Variants in AUH observed in about 807,000 individuals in gnomAD.
AUH encodes methylglutaconyl-CoA hydratase, mitochondrial.
In AUH, 29 loss-of-function variants were observed where a neutral mutation model predicts 42.3. The observed-to-expected ratio is 0.69, with a 90% CI of 0.51 to 0.93. The LOEUF (loss-of-function observed/expected upper bound fraction) is 0.93. Ranked by LOEUF, AUH falls within the 40% of genes least tolerant of loss-of-function variation. AUH has a pLI of 0.00. For missense variants in AUH, 452 were observed against 438.1 expected, an observed-to-expected ratio of 1.03 and a Z score of -0.28; for synonymous variants, 174 against 166.4, an observed-to-expected ratio of 1.05 and a Z score of -0.35.
chr9:91,322,608 A>T (rs1298539958), intron 4 of AUH, among the ~76,000 whole-genome samples: 1 of 152,220 alleles, frequency 6.6e-6, no homozygotes, highest in Non-Finnish European at 1.5e-5. Context: ...CAAATGGTCA[A>T]ATTCTACAAT....
chr9:91,256,924 A>C (rs577261477), intron 6 of AUH, among the ~76,000 whole-genome samples: 6 of 152,230 alleles, frequency 3.9e-5, no homozygotes, highest in African/African-American at 1.4e-4. Context: ...GACAAAAATA[A>C]CATAGGCTTA....
At chr9:91,267,798 C>T (rs1325499599) in intron 6 of AUH, among the ~76,000 whole-genome samples, 1 of 152,040 alleles carries the variant, frequency 6.6e-6, no homozygotes, top group African/African-American at 2.4e-5. Context: ...AGCTCATTTC[C>T]CCTTTCCTAG....
intron 1 of AUH, 24 bp downstream of exon 1, chr9:91,361,604 G>A (rs1426226586): frequency 2.6e-6 from 4 of 1,567,872 alleles, no homozygotes; most frequent in African/African-American, 1.4e-5. Context: ...GCTGCCCCGC[G>A]CCTGCCCAGC....
intron 6 of AUH, among the ~76,000 whole-genome samples, chr9:91,277,060 C>T (rs1043997638): frequency 6.6e-6 from 1 of 152,040 alleles, no homozygotes; most frequent in African/African-American, 2.4e-5. Flanking sequence ...TGTGGTAGGG[C>T]ATACCTGTAA....
chr9:91,304,379 T>C (rs945562588), intron 4 of AUH, among the ~76,000 whole-genome samples: 2 of 152,198 alleles, frequency 1.3e-5, no homozygotes, highest in African/African-American at 4.8e-5. Flanking sequence ...CAATCCTCGA[T>C]TTAGCTAAAA....
intron 6 of AUH, among the ~76,000 whole-genome samples, chr9:91,259,819 G>C (rs1403265303): frequency 6.6e-6 from 1 of 151,978 alleles, no homozygotes; most frequent in Non-Finnish European, 1.5e-5. Flanking sequence ...TTTTAAATTT[G>C]AGGTTTCATG....
At chr9:91,274,640 A>G (rs1274041893) in intron 6 of AUH, among the ~76,000 whole-genome samples, 2 of 152,240 alleles carry the variant, frequency 1.3e-5, no homozygotes, top group Non-Finnish European at 2.9e-5. Flanking sequence ...AACTCAATTT[A>G]TATTTCTAAA....
At position 91,290,323 on chromosome 9, in the gene AUH, G is replaced by A. The variant is rs1826760574; in HGVS notation, c.655+5698C>T. ...TCCCAGCTACTCCAGAGGCCGAGGT[G>A]GGAAGATCTCGAACCCAAGAGTTTG... On this transcript the variant is annotated intron_variant, in intron 6 of 9. Transcript: ENST00000375731. Among the ~76,000 whole-genome samples, 5 of 152,180 alleles carry A rather than the reference G, an allele frequency of 3.3e-5. No homozygotes were observed. The South Asian group carries it at 1.0e-3, about 32-fold the overall frequency.
intron 2 of AUH, 57 bp from the exon 3 acceptor site, chr9:91,356,027 T>C: frequency 1.3e-6 from 2 of 1,597,444 alleles, no homozygotes; most frequent in Non-Finnish European, 1.7e-6. Flanking sequence ...AAAACATTTT[T>C]ACATTGATGA....
In AUH at chr9:91,357,870, T is replaced by C. The variant is rs575025023; in HGVS notation, c.263-1715A>G. ...GGTCAGCACAAGCCAGAAATATCCTTACAGACCTTCTAAAAAGTCTGGTCT... is the reference window on the plus strand; with the variant it reads ...GGTCAGCACAAGCCAGAAATATCCTCACAGACCTTCTAAAAAGTCTGGTCT... On this transcript the variant is annotated intron_variant, in intron 1 of 9. Coordinates refer to ENST00000375731, the MANE Select transcript of AUH (RefSeq NM_001698.3). 3.3e-5 allele frequency among the ~76,000 whole-genome samples: 5 copies of C among 152,330 alleles called. No homozygotes were observed. The East Asian group carries it at 9.6e-4, about 29-fold the overall frequency.
At chr9:91,215,644 AGTG>A in intron 9 of AUH, among the ~76,000 whole-genome samples, 1 of 152,302 alleles carries the variant, frequency 6.6e-6, no homozygotes, top group African/African-American at 2.4e-5. Flanking sequence ...GTGAACTTTC[AGTG>A]GTCAGGAGAG....
chr9:91,292,696 T>C (rs757592511), intron 6 of AUH, among the ~76,000 whole-genome samples: 5 of 152,144 alleles, frequency 3.3e-5, no homozygotes, highest in East Asian at 1.9e-4. Flanking sequence ...TTTAGGAAAA[T>C]AGATCCAAAC....
At chr9:91,231,544 C>T (rs1299409373) in intron 6 of AUH, among the ~76,000 whole-genome samples, 5 of 152,182 alleles carry the variant, frequency 3.3e-5, no homozygotes, top group Admixed American at 6.5e-5. Flanking sequence ...AGCTGTAGAC[C>T]GGAGCTGTTC....
chr9:91,229,888 C>A (rs1336717022), intron 6 of AUH, among the ~76,000 whole-genome samples: 3 of 152,038 alleles, frequency 2.0e-5, no homozygotes, highest in Admixed American at 1.3e-4. Flanking sequence ...TTGGCCCCCA[C>A]TCTCTTCTGG....
At chr9:91,327,715 G>A (rs1052556580) in intron 3 of AUH, among the ~76,000 whole-genome samples, 6 of 152,204 alleles carry the variant, frequency 3.9e-5, no homozygotes, top group African/African-American at 9.7e-5. Context: ...TGCGTGCAAC[G>A]GGAATAAAAG....
intron 6 of AUH, among the ~76,000 whole-genome samples, chr9:91,257,699 TTATAGTA>T (rs1248715474): frequency 1.3e-5 from 2 of 152,176 alleles, no homozygotes; most frequent in African/African-American, 4.8e-5. Flanking sequence ...TTCTGTACCT[TTATAGTA>T]AGTCTTGAAA....
At chr9:91,225,442 T>C (rs1431396218) in intron 6 of AUH, among the ~76,000 whole-genome samples, 3 of 152,236 alleles carry the variant, frequency 2.0e-5, no homozygotes, top group South Asian at 2.1e-4. Context: ...TTTCTGTCAG[T>C]TGACTATTTT....
At position 91,214,388 on chromosome 9, in the gene AUH, G is replaced by C; in HGVS notation, c.980C>G (p.Ala327Gly). The change falls in exon 10 of 10, where the codon GCT becomes GGT. Residue 327 changes from alanine to glycine, a missense_variant. By Grantham distance (60) the Ala-to-Gly change is moderately conservative. Coordinates refer to ENST00000375731, the MANE Select transcript of AUH (RefSeq NM_001698.3). ...PTKDRLEGLLAFKEKRPPRYK... is the reference protein window; with the variant it reads ...PTKDRLEGLLGFKEKRPPRYK... ...GCGAGGGGGCCTTTTCTCTTTAAAA[G>C]CAAGAAGACCTTCAAGTCTGTCTTT... 2 of 1,610,326 alleles carry C rather than the reference G, an allele frequency of 1.2e-6. No homozygotes were observed. The highest frequency in any genetic ancestry group is 1.7e-5 in the Admixed American group (1 of 59,804).
At chr9:91,259,614 A>G (rs543391125) in intron 6 of AUH, among the ~76,000 whole-genome samples, 2 of 152,184 alleles carry the variant, frequency 1.3e-5, no homozygotes, top group Non-Finnish European at 2.9e-5. Context: ...TACATCCCAC[A>G]AAATTTAATG....
Sources: allele counts gnomAD v4.1 joint callset (sites outside exome capture counted in the v4.1 genomes callset), GRCh38; gene constraint gnomAD v4.1.1; transcripts MANE v1.5; gene names NCBI Gene and HGNC (gene_info 2026-07-23, HGNC 2026-07-21).